ADAMTS17: variants seen among roughly 807,000 people sequenced by gnomAD.
ADAMTS17 encodes ADAM metallopeptidase with thrombospondin type 1 motif 17, also known as A disintegrin and metalloproteinase with thrombospondin motifs 17.
A neutral mutation model predicts 141.5 loss-of-function variants in ADAMTS17; 113 were observed. That is an observed-to-expected ratio of 0.80 (90% CI 0.69 to 0.93). ADAMTS17 has a LOEUF of 0.93. ADAMTS17 is among the 40% of genes least tolerant of loss of function. The probability of loss-of-function intolerance (pLI) is 0.00; values close to 1 mark genes in which losing one functional copy is unlikely to be tolerated. For missense variants in ADAMTS17, 1,659 were observed against 1,517.9 expected, an observed-to-expected ratio of 1.09 and a Z score of -1.54; for synonymous variants, 768 against 630.6, an observed-to-expected ratio of 1.22 and a Z score of -3.27.
At chr15:100,295,900 A>G (rs1451145937) in intron 3 of ADAMTS17, among the ~76,000 whole-genome samples, 1 of 152,178 alleles carries the variant, frequency 6.6e-6, no homozygotes, top group Non-Finnish European at 1.5e-5. Context: ...TCACCATAGA[A>G]ATATCAGGAT....
chr15:100,212,906 C>A (rs918061833), intron 7 of ADAMTS17, among the ~76,000 whole-genome samples: 2 of 151,950 alleles, frequency 1.3e-5, no homozygotes, highest in Non-Finnish European at 2.9e-5. Context: ...TGACGCGTAC[C>A]TTTTTGTCAA....
chr15:100,229,626 C>T (rs995217468), intron 7 of ADAMTS17, among the ~76,000 whole-genome samples: 3 of 152,142 alleles, frequency 2.0e-5, no homozygotes, highest in African/African-American at 7.2e-5. Context: ...CTCTGTTGAC[C>T]TCAAAGAATC....
chr15:100,180,198 G>A (rs548352392), intron 8 of ADAMTS17, among the ~76,000 whole-genome samples: 23 of 152,110 alleles, frequency 1.5e-4, no homozygotes, highest in Non-Finnish European at 2.8e-4. Flanking sequence ...TTTGTACATC[G>A]CAAGAGAAAG....
At chr15:100,130,231 G>A (rs962596222) in intron 12 of ADAMTS17, among the ~76,000 whole-genome samples, 2 of 152,014 alleles carry the variant, frequency 1.3e-5, no homozygotes, top group Non-Finnish European at 2.9e-5. Context: ...GGGAGTTGTG[G>A]TGCACTCCTG....
chr15:100,012,660 G>A (rs1240734883), intron 18 of ADAMTS17, among the ~76,000 whole-genome samples: 1 of 152,118 alleles, frequency 6.6e-6, no homozygotes, highest in African/African-American at 2.4e-5. Flanking sequence ...CCCACTTTAT[G>A]TTTTTGTTTG....
chr15:100,023,223 C>T (rs555339663), intron 18 of ADAMTS17, among the ~76,000 whole-genome samples: 61 of 150,588 alleles, frequency 4.1e-4, no homozygotes, highest in East Asian at 1.4e-3. Flanking sequence ...TTTTTTGAGA[C>T]GGAGTTTCAC....
intron 3 of ADAMTS17, among the ~76,000 whole-genome samples, chr15:100,304,057 C>T (rs536182334): frequency 6.6e-6 from 1 of 152,172 alleles, no homozygotes; most frequent in Non-Finnish European, 1.5e-5. Context: ...CTTCCCTATT[C>T]CCAATCTCTT....
In ADAMTS17 at chr15:100,263,072, C is replaced by A. The variant is rs60561442; in HGVS notation, c.790-637G>T. ...GCTGGAAATAGTTGGTTAAAAAAAA[C>A]CACGCATACGAAAGGTGGTTTTGAA... On this transcript the variant is annotated intron_variant, in intron 4 of 21. Transcript: ENST00000268070. Among the ~76,000 whole-genome samples, 788 of 152,180 alleles carry A rather than the reference C, an allele frequency of 5.2e-3. 5 individuals are homozygous for A. The highest frequency in any genetic ancestry group is 0.027 in the Middle Eastern group (8 of 294).
intron 15 of ADAMTS17, among the ~76,000 whole-genome samples, chr15:100,088,461 C>G (rs2035246105): frequency 6.6e-6 from 1 of 152,216 alleles, no homozygotes; most frequent in South Asian, 2.1e-4. Context: ...CTACCAATGA[C>G]TTTCTTCACA....
At chr15:100,291,951 G>C (rs1418812173) in intron 3 of ADAMTS17, among the ~76,000 whole-genome samples, 3 of 152,214 alleles carry the variant, frequency 2.0e-5, no homozygotes, top group Non-Finnish European at 2.9e-5. Flanking sequence ...AAAAAGAAAA[G>C]AAAATACAAA....
chr15:100,267,711 G>T (rs1487781860), intron 4 of ADAMTS17, among the ~76,000 whole-genome samples: 1 of 152,054 alleles, frequency 6.6e-6, no homozygotes, highest in African/African-American at 2.4e-5. Flanking sequence ...CGCAGTGTCT[G>T]CTGCCACCTT....
intron 8 of ADAMTS17, among the ~76,000 whole-genome samples, chr15:100,162,461 CAT>C (rs1366798279): frequency 7.8e-6 from 1 of 128,094 alleles, no homozygotes; most frequent in East Asian, 2.5e-4. Context: ...TATATATGCA[CAT>C]ATACACATTA....
intron 8 of ADAMTS17, among the ~76,000 whole-genome samples, chr15:100,186,041 C>A (rs1293480459): frequency 6.6e-6 from 1 of 152,166 alleles, no homozygotes; most frequent in Non-Finnish European, 1.5e-5. Context: ...CAGCCCTAAT[C>A]TACTGGCAGT....
intron 13 of ADAMTS17, among the ~76,000 whole-genome samples, chr15:100,112,350 C>A (rs928703654): frequency 6.6e-6 from 1 of 152,258 alleles, no homozygotes; most frequent in African/African-American, 2.4e-5. Flanking sequence ...GTGGGGCTTC[C>A]CTTCCCTGCT....
chr15:100,165,311 C>T (rs540668555), intron 8 of ADAMTS17, among the ~76,000 whole-genome samples: 1 of 152,328 alleles, frequency 6.6e-6, no homozygotes, highest in African/African-American at 2.4e-5. Context: ...AATGGCTTGA[C>T]ATGAAAGCAG....
At chr15:100,152,112 G>A (rs1312109746) in intron 10 of ADAMTS17, among the ~76,000 whole-genome samples, 2 of 152,152 alleles carry the variant, frequency 1.3e-5, no homozygotes, top group Non-Finnish European at 2.9e-5. Context: ...AGCGGTAACT[G>A]TTTAATGGGG....
intron 4 of ADAMTS17, among the ~76,000 whole-genome samples, chr15:100,267,560 T>C (rs2043760037): frequency 6.6e-6 from 1 of 152,178 alleles, no homozygotes; most frequent in African/African-American, 2.4e-5. Context: ...CAGGGGTATG[T>C]GTGCAGGTTG....
chr15:100,109,960 G>C (rs912909270), intron 13 of ADAMTS17, among the ~76,000 whole-genome samples: 1 of 151,956 alleles, frequency 6.6e-6, no homozygotes, highest in African/African-American at 2.4e-5. Context: ...TCTGCCTGTT[G>C]TCCTAGAATT....
chr15:100,194,561 G>A (rs1437554617), intron 8 of ADAMTS17, among the ~76,000 whole-genome samples: 1 of 152,086 alleles, frequency 6.6e-6, no homozygotes, highest in African/African-American at 2.4e-5. Context: ...TTTTTCTCAC[G>A]GGCAGTCAGC....
Sources: allele counts gnomAD v4.1 joint callset (sites outside exome capture counted in the v4.1 genomes callset), GRCh38; gene constraint gnomAD v4.1.1; transcripts MANE v1.5; gene names NCBI Gene and HGNC (gene_info 2026-07-23, HGNC 2026-07-21).